PIWIL2: variants seen among roughly 807,000 people sequenced by gnomAD.
PIWIL2 encodes the protein piwi like RNA-mediated gene silencing 2.
PIWIL2 carries 81 observed loss-of-function variants against 116.5 expected under a neutral mutation model. The ratio of observed to expected loss-of-function variants is 0.70; its 90% confidence interval spans 0.58 to 0.84. The LOEUF (loss-of-function observed/expected upper bound fraction) is 0.84, where lower values mean the gene tolerates loss of function less well. PIWIL2 is among the 40% of genes least tolerant of loss of function. The probability of loss-of-function intolerance (pLI) is 0.00; values close to 1 mark genes in which losing one functional copy is unlikely to be tolerated. For missense variants in PIWIL2, 1,272 were observed against 1,212.3 expected (o/e 1.05, Z -0.73); for synonymous variants, 489 against 429.5 (o/e 1.14, Z -1.71).
At chr8:22,353,402 G>A (rs1832418765) in intron 21 of PIWIL2, among the ~76,000 whole-genome samples, 190 bp downstream of exon 21, 1 of 151,990 alleles carries the variant, frequency 6.6e-6, no homozygotes, top group Non-Finnish European at 1.5e-5. Context: ...TAATCCCAAC[G>A]CTTTGGGAGG....
intron 20 of PIWIL2, among the ~76,000 whole-genome samples, chr8:22,341,977 T>TA (rs530423710): frequency 0.061 from 7,372 of 121,484 alleles, 211 homozygotes; most frequent in South Asian, 0.073. Flanking sequence ...TCTATTGCTG[T>TA]AAAAAAAAAA....
chr8:22,294,280 G>C (rs1182750338), intron 10 of PIWIL2, among the ~76,000 whole-genome samples: 2 of 147,274 alleles, frequency 1.4e-5, no homozygotes, highest in African/African-American at 2.5e-5. Context: ...AGAGGTTGCA[G>C]TGAGCCAAGA....
intron 6 of PIWIL2, 86 bp downstream of exon 6, chr8:22,284,358 G>C (rs1830584443): frequency 1.5e-6 from 1 of 664,530 alleles, no homozygotes; most frequent in Admixed American, 3.0e-5. Flanking sequence ...TATTGTCCTG[G>C]ACAGTTCCTG....
intron 10 of PIWIL2, among the ~76,000 whole-genome samples, chr8:22,293,263 A>G (rs1830805211): frequency 6.6e-6 from 1 of 151,982 alleles, no homozygotes; most frequent in Non-Finnish European, 1.5e-5. Flanking sequence ...GTGCTATGGT[A>G]GTGCTACTGT....
rs1000333773 is a variant in PIWIL2, at chr8:22,282,340, C to T, written c.426-694C>T. Among the ~76,000 whole-genome samples, 7 of 147,870 alleles carry T rather than the reference C, an allele frequency of 4.7e-5. No individual in the cohort carries two copies. In the East Asian group the frequency reaches 1.5e-3, roughly 31 times the overall value. On this transcript the variant is annotated intron_variant, in intron 4 of 22. Coordinates refer to ENST00000356766, the MANE Select transcript of PIWIL2 (RefSeq NM_018068.5). Reference sequence around the variant, plus strand: ...GATCTTGGCTCACTGCAACCTCCGCCTCACACCCAGCTAATTTTTGTATTT... The same window carrying T: ...GATCTTGGCTCACTGCAACCTCCGCTTCACACCCAGCTAATTTTTGTATTT...
At chr8:22,317,286 T>C (rs892000790) in intron 19 of PIWIL2, among the ~76,000 whole-genome samples, 1 of 152,220 alleles carries the variant, frequency 6.6e-6, no homozygotes, top group African/African-American at 2.4e-5. Context: ...TTCCTCATGG[T>C]CCAGCTTTTA....
chr8:22,288,662 C>A lies in PIWIL2; in HGVS notation c.982C>A (p.Arg328Ser), dbSNP rs779580930. ...LCIPFYNVVFRRVMKLLDMKL... is the reference protein window; with the variant it reads ...LCIPFYNVVFSRVMKLLDMKL... ...CATTCCCTTCTACAATGTTGTTTTC[C>A]GTCGGTAAGAAAACAGCTGAAGTTC... The change falls in exon 8 of 23, where the codon CGT becomes AGT. Residue 328 changes from arginine (R) to serine (S), a missense_variant. Coordinates refer to ENST00000356766, the MANE Select transcript of PIWIL2 (RefSeq NM_018068.5). 6.2e-7 allele frequency: 1 copy of A among 1,606,404 alleles called. No individual in the cohort carries two copies. Among genetic ancestry groups the A allele is most frequent in the Non-Finnish European group, 8.5e-7 (1 of 1,176,672 alleles).
At chr8:22,292,847 C>T (rs570417359) in intron 10 of PIWIL2, among the ~76,000 whole-genome samples, 1 of 152,190 alleles carries the variant, frequency 6.6e-6, no homozygotes, top group Non-Finnish European at 1.5e-5. Flanking sequence ...TATTATGTGT[C>T]TCTCCTGATT....
intron 10 of PIWIL2, among the ~76,000 whole-genome samples, chr8:22,303,745 T>C (rs934195385): frequency 6.6e-6 from 1 of 151,896 alleles, no homozygotes; most frequent in African/African-American, 2.4e-5. Flanking sequence ...GCTTTTTCCT[T>C]TTTTTTCCCC....
intron 12 of PIWIL2, 49 bp downstream of exon 12, chr8:22,304,917 G>C (rs200793511): frequency 7.9e-7 from 1 of 1,268,318 alleles, no homozygotes; most frequent in South Asian, 1.2e-5. Context: ...TCTTCATCCT[G>C]TCAGCTGCTT....
At chr8:22,332,833 T>C (rs1298743022) in intron 20 of PIWIL2, among the ~76,000 whole-genome samples, 1 of 152,030 alleles carries the variant, frequency 6.6e-6, no homozygotes, top group Non-Finnish European at 1.5e-5. Context: ...AAGGAAAATA[T>C]AAAAAGCATT....
chr8:22,326,499 C>T (rs1831727870), intron 20 of PIWIL2, among the ~76,000 whole-genome samples: 1 of 152,126 alleles, frequency 6.6e-6, no homozygotes, highest in African/African-American at 2.4e-5. Context: ...ATAATCATTC[C>T]TTATTCACAC....
intron 7 of PIWIL2, 149 bp downstream of exon 7, chr8:22,287,794 C>CCACTTCA (rs1830664198): frequency 1.6e-6 from 1 of 634,956 alleles, no homozygotes. Context: ...GGCGTGTGAG[C>CCACTTCA]CACTTCACCT....
intron 14 of PIWIL2, among the ~76,000 whole-genome samples, 158 bp downstream of exon 14, chr8:22,308,231 G>C (rs1831237536): frequency 1.3e-5 from 2 of 150,364 alleles, no homozygotes; most frequent in African/African-American, 4.9e-5. Flanking sequence ...AGTCTTATTG[G>C]GATTACAGGT....
intron 9 of PIWIL2, 38 bp downstream of exon 9, chr8:22,289,965 C>G: frequency 1.5e-6 from 2 of 1,365,336 alleles, no homozygotes; most frequent in Non-Finnish European, 2.1e-6. Flanking sequence ...TTTGAATGTT[C>G]TGGAAAGAAA....
Position 22,284,167 on chromosome 8 carries a change from T to A in PIWIL2, c.638T>A (p.Leu213His). Residue 213 changes from leucine to histidine, a missense_variant, in exon 6 of 23, where the codon CTT (leucine) becomes CAT (histidine). Transcript: ENST00000356766. Reference sequence around the variant, plus strand: ...TTTTTGTTTTTATTTTCTAGAGAGCTTATTGTGAAGCAAGGATCAAAAGGA... The same window carrying A: ...TTTTTGTTTTTATTTTCTAGAGAGCATATTGTGAAGCAAGGATCAAAAGGA... ...VLTVEHKEKE[L>H]IVKQGSKGTP... The A allele has an allele frequency of 2.5e-6, 4 of 1,569,720 alleles. No homozygotes were observed. The highest frequency in any genetic ancestry group is 3.5e-6 in the Non-Finnish European group (4 of 1,156,404).
intron 19 of PIWIL2, among the ~76,000 whole-genome samples, 184 bp from the exon 20 acceptor site, chr8:22,317,986 A>G (rs527882900): frequency 3.3e-5 from 5 of 152,296 alleles, no homozygotes; most frequent in East Asian, 3.9e-4. Context: ...TATGTTCTGC[A>G]TATGACTTAA....
Position 22,288,536 on chromosome 8 carries a change from T to A in PIWIL2, c.862-6T>A. 6.2e-7 allele frequency: 1 copy of A among 1,610,340 alleles called. No individual in the cohort carries two copies. On this transcript the variant is annotated splice_region_variant and splice_polypyrimidine_tract_variant and intron_variant, in intron 7 of 22. Transcript: ENST00000356766. ...TTTGTTTCACCTGTGTGTATTTATTTGTTAGGTTCTTGAGTTAAAAAGTCA... is the reference window on the plus strand; with the variant it reads ...TTTGTTTCACCTGTGTGTATTTATTAGTTAGGTTCTTGAGTTAAAAAGTCA...
At chr8:22,306,206 T>C (rs1409040274) in intron 13 of PIWIL2, among the ~76,000 whole-genome samples, 190 bp downstream of exon 13, 1 of 152,148 alleles carries the variant, frequency 6.6e-6, no homozygotes. Flanking sequence ...CCACACACGA[T>C]GTGAAAAAGC....
Sources: gnomAD v4.1 joint callset for allele counts (sites outside exome capture counted in the v4.1 genomes callset) on GRCh38, gnomAD v4.1.1 for gene constraint, MANE v1.5 for transcripts, NCBI Gene and HGNC (gene_info 2026-07-23, HGNC 2026-07-21) for gene names.